The following GRIN2A variants were observed in gnomAD, a reference collection of about 807,000 sequenced individuals.
GRIN2A encodes the protein glutamate ionotropic receptor NMDA type subunit 2A.
GRIN2A carries 22 observed loss-of-function variants against 113.4 expected under a neutral mutation model. The ratio of observed to expected loss-of-function variants is 0.19; its 90% CI spans 0.14 to 0.28. GRIN2A has a LOEUF of 0.28. GRIN2A is among the 10% of genes least tolerant of loss of function. GRIN2A has a pLI of 1.00. For synonymous variants in GRIN2A, 827 were observed against 738.4 expected (o/e 1.12, Z -1.94); for missense variants, 1,502 against 1,887.0 (o/e 0.80, Z 3.78).
At position 10,156,274 on chromosome 16, in the gene GRIN2A, G is replaced by T. The variant is rs566683747; in HGVS notation, c.414+23724C>A. Among the ~76,000 whole-genome samples, 104 of 152,372 alleles carry T rather than the reference G, an allele frequency of 6.8e-4. 2 individuals carry two copies. The highest frequency in any genetic ancestry group is 2.4e-3 in the African/African-American group (99 of 41,586). ...GAATGGACTCATGCCATAATGCTGGGCTGCCTGATCATCGCATGTGGTCAG... is the reference window on the plus strand; with the variant it reads ...GAATGGACTCATGCCATAATGCTGGTCTGCCTGATCATCGCATGTGGTCAG... On this transcript the variant is annotated intron_variant, in intron 2 of 12. Coordinates refer to ENST00000330684, the MANE Select transcript of GRIN2A (RefSeq NM_001134407.3).
chr16:9,799,464 C>G (rs754003287), intron 10 of GRIN2A, among the ~76,000 whole-genome samples: 2 of 152,210 alleles, frequency 1.3e-5, no homozygotes, highest in Non-Finnish European at 2.9e-5. Context: ...GCCTCCAGAG[C>G]TGCGAGACAG....
At chr16:9,978,106 G>A (rs1265176166) in intron 2 of GRIN2A, among the ~76,000 whole-genome samples, 1 of 152,154 alleles carries the variant, frequency 6.6e-6, no homozygotes, top group African/African-American at 2.4e-5. Flanking sequence ...GCAGTTGGAT[G>A]TTATACTTCT....
At chr16:9,972,819 G>T (rs1358014210) in intron 2 of GRIN2A, among the ~76,000 whole-genome samples, 1 of 152,168 alleles carries the variant, frequency 6.6e-6, no homozygotes, top group East Asian at 1.9e-4. Flanking sequence ...TCAAGACAGG[G>T]GAATTGCAAT....
Position 10,024,782 on chromosome 16 carries a change from C to G in GRIN2A, c.415-86231G>C, listed in dbSNP as rs558869394. ...CTCACTGAAGAGGTAGGCACAATAGCTTTCTCACTGCTTAGCAATTATATC... is the reference window on the plus strand; with the variant it reads ...CTCACTGAAGAGGTAGGCACAATAGGTTTCTCACTGCTTAGCAATTATATC... On this transcript the variant is annotated intron_variant, in intron 2 of 12. Transcript: ENST00000330684. 3.9e-5 allele frequency among the ~76,000 whole-genome samples: 6 copies of G among 152,300 alleles called. No individual in the cohort carries two copies. The South Asian group carries it at 1.2e-3, about 32-fold the overall frequency.
intron 2 of GRIN2A, among the ~76,000 whole-genome samples, chr16:10,031,739 T>C (rs1156638767): frequency 6.6e-6 from 1 of 152,358 alleles, no homozygotes; most frequent in East Asian, 1.9e-4. Flanking sequence ...AAATCTTTAG[T>C]GGTTTCTTTC....
intron 2 of GRIN2A, among the ~76,000 whole-genome samples, chr16:10,179,317 G>A (rs1227884025): frequency 6.6e-6 from 1 of 152,122 alleles, no homozygotes; most frequent in Non-Finnish European, 1.5e-5. Context: ...AAAATGCCAG[G>A]CCCTCCATGC....
At chr16:9,886,705 A>G (rs1466824028) in intron 4 of GRIN2A, among the ~76,000 whole-genome samples, 1 of 152,224 alleles carries the variant, frequency 6.6e-6, no homozygotes, top group African/African-American at 2.4e-5. Context: ...TGAATAAAAA[A>G]ATGAATAGAC....
intron 4 of GRIN2A, among the ~76,000 whole-genome samples, chr16:9,881,559 T>C (rs555129967): frequency 1.3e-5 from 2 of 152,324 alleles, no homozygotes; most frequent in Non-Finnish European, 2.9e-5. Context: ...GATTCTAATC[T>C]AGGTAGCCCA....
intron 2 of GRIN2A, among the ~76,000 whole-genome samples, chr16:9,987,663 A>T (rs1433655489): frequency 6.6e-6 from 1 of 152,210 alleles, no homozygotes; most frequent in Non-Finnish European, 1.5e-5. Context: ...GCTTAAATAA[A>T]AGCAAAGAAA....
intron 4 of GRIN2A, among the ~76,000 whole-genome samples, chr16:9,886,380 C>T (rs917593410): frequency 1.3e-5 from 2 of 152,058 alleles, no homozygotes; most frequent in Non-Finnish European, 2.9e-5. Flanking sequence ...ACAACAACAA[C>T]AAAAGCATAT....
intron 4 of GRIN2A, among the ~76,000 whole-genome samples, chr16:9,855,156 G>C (rs193043274): frequency 3.4e-3 from 512 of 152,198 alleles, no homozygotes; most frequent in African/African-American, 0.011. Context: ...ATCATTAATA[G>C]CACAGGCTTA....
chr16:9,928,100 G>A (rs938568668), intron 3 of GRIN2A, among the ~76,000 whole-genome samples: 2 of 152,304 alleles, frequency 1.3e-5, no homozygotes, highest in Non-Finnish European at 2.9e-5. Flanking sequence ...CCATCACGCT[G>A]GACCGTGACT....
chr16:9,936,883 T>C (rs1479540723), intron 3 of GRIN2A, among the ~76,000 whole-genome samples: 1 of 152,190 alleles, frequency 6.6e-6, no homozygotes, highest in Non-Finnish European at 1.5e-5. Context: ...TTTCACAAAC[T>C]GTTGTTGTGA....
At chr16:9,771,581 A>C (rs1338924623) in intron 11 of GRIN2A, among the ~76,000 whole-genome samples, 3 of 119,380 alleles carry the variant, frequency 2.5e-5, no homozygotes, top group Non-Finnish European at 3.3e-5. Context: ...AGTTCTTGGG[A>C]TTCTCATTCC....
intron 2 of GRIN2A, among the ~76,000 whole-genome samples, chr16:9,998,436 T>C (rs957823734): frequency 2.0e-5 from 3 of 152,204 alleles, no homozygotes; most frequent in East Asian, 1.9e-4. Flanking sequence ...GAATTTTCAT[T>C]TGGAGTCATG....
rs532486879 is a variant in GRIN2A, at chr16:10,024,731, G to T, written c.415-86180C>A. ...CCTAAACAACATAGAGAAAGCCCAC[G>T]TTCAGCCATAACTTCCCACTCACTC... is the stretch of plus-strand genomic sequence containing the variant. On this transcript the variant is annotated intron_variant, in intron 2 of 12. Transcript: ENST00000330684. Among the ~76,000 whole-genome samples the T allele has an allele frequency of 9.1e-4, 139 of 152,204 alleles. 2 individuals carry two copies. The highest frequency in any genetic ancestry group is 3.4e-3 in the Middle Eastern group (1 of 294).
chr16:9,912,931 T>C (rs1461176695), intron 3 of GRIN2A, among the ~76,000 whole-genome samples: 1 of 152,202 alleles, frequency 6.6e-6, no homozygotes, highest in Non-Finnish European at 1.5e-5. Context: ...AGTCTCCACA[T>C]AGAAGAGTTT....
At chr16:10,020,095 A>G (rs837709) in intron 2 of GRIN2A, among the ~76,000 whole-genome samples, 120,013 of 152,118 alleles carry the variant, frequency 0.79, 48,062 homozygotes, top group Non-Finnish European at 0.85. Flanking sequence ...ATAAAGCTGG[A>G]AGGAAAAAAA....
chr16:9,921,150 G>T (rs1009812435), intron 3 of GRIN2A, among the ~76,000 whole-genome samples: 1 of 152,072 alleles, frequency 6.6e-6, no homozygotes, highest in African/African-American at 2.4e-5. Flanking sequence ...TTTATTATTG[G>T]CAATGCCAAA....
Sources: gnomAD v4.1 joint callset for allele counts (sites outside exome capture counted in the v4.1 genomes callset) on GRCh38, gnomAD v4.1.1 for gene constraint, MANE v1.5 for transcripts, NCBI Gene and HGNC (gene_info 2026-07-23, HGNC 2026-07-21) for gene names.